Variants in DNAH17 observed in about 807,000 individuals in gnomAD.
DNAH17 encodes the protein dynein axonemal heavy chain 17.
Under a neutral mutation model 485.6 loss-of-function variants are expected in DNAH17, and 376 were observed. That is an observed-to-expected ratio of 0.77 (90% CI 0.71 to 0.84). The LOEUF (loss-of-function observed/expected upper bound fraction) is 0.84. Ranked by LOEUF, DNAH17 falls within the 40% of genes least tolerant of loss-of-function variation. The pLI is 0.00. For synonymous variants in DNAH17, 3,031 were observed against 2,405.9 expected, an observed-to-expected ratio of 1.26 and a Z score of -7.60; for missense variants, 6,370 against 5,839.3, an observed-to-expected ratio of 1.09 and a Z score of -2.96.
chr17:78,475,157 G>A, intron 54 of DNAH17, 121 bp downstream of exon 54: 1 of 1,138,094 alleles, frequency 8.8e-7, no homozygotes, highest in Non-Finnish European at 1.3e-6. Context: ...TTTGGATAAG[G>A]ACTATTGGTG....
In DNAH17 at chr17:78,491,571, C is replaced by CT; in HGVS notation, c.6542-2dup. On this transcript the variant is annotated splice_acceptor_variant, in intron 42 of 80. Transcript: ENST00000389840. LOFTEE classifies it high-confidence loss of function. Reference sequence around the variant, plus strand: ...TCTCGCATGATGGTGGAGAACAGGCCTGGGGGAGGCGCGTGGTATGACCCC... The same window carrying CT: ...TCTCGCATGATGGTGGAGAACAGGCCTTGGGGGAGGCGCGTGGTATGACCCC... 6.2e-7 allele frequency: 1 copy of CT among 1,613,716 alleles called. No individual in the cohort carries two copies. Among genetic ancestry groups the CT allele is most frequent in the Non-Finnish European group, 8.5e-7 (1 of 1,179,816 alleles).
chr17:78,465,812 G>A (rs926294337), intron 56 of DNAH17, among the ~76,000 whole-genome samples: 1 of 149,498 alleles, frequency 6.7e-6, no homozygotes, highest in Non-Finnish European at 1.5e-5. Context: ...GGAGGTGGGG[G>A]GTCAGCCCCC....
chr17:78,431,941 G>A (rs1223704989), intron 75 of DNAH17, among the ~76,000 whole-genome samples: 1 of 152,152 alleles, frequency 6.6e-6, no homozygotes, highest in Non-Finnish European at 1.5e-5. Flanking sequence ...GGAGGCCGAG[G>A]TGGGCGGATG....
intron 25 of DNAH17, among the ~76,000 whole-genome samples, chr17:78,523,908 C>G (rs182939946): frequency 6.6e-6 from 1 of 152,220 alleles, no homozygotes; most frequent in African/African-American, 2.4e-5. Flanking sequence ...GACCTTGTCT[C>G]AAAAATAAAT....
intron 77 of DNAH17, 110 bp downstream of exon 77, chr17:78,428,415 G>C (rs1011829194): frequency 3.7e-6 from 5 of 1,335,726 alleles, no homozygotes; most frequent in Admixed American, 2.0e-5. Flanking sequence ...CTGGGGCAGA[G>C]TGTACCTCAC....
intron 24 of DNAH17, 83 bp downstream of exon 24, chr17:78,526,568 G>A: frequency 8.0e-7 from 1 of 1,244,350 alleles, no homozygotes; most frequent in Non-Finnish European, 1.1e-6. Context: ...CACGTTTCTG[G>A]ACTTGAAAGG....
At chr17:78,534,924 C>T (rs2091334095) in intron 19 of DNAH17, among the ~76,000 whole-genome samples, 1 of 152,166 alleles carries the variant, frequency 6.6e-6, no homozygotes, top group Non-Finnish European at 1.5e-5. Flanking sequence ...TGCCACCAAG[C>T]TAGGGTACTT....
intron 54 of DNAH17, among the ~76,000 whole-genome samples, chr17:78,469,777 G>A (rs377132466): frequency 2.0e-4 from 30 of 152,300 alleles, no homozygotes; most frequent in Middle Eastern, 3.4e-3. Context: ...GCTATAGCAC[G>A]GACAGACCTT....
intron 14 of DNAH17, among the ~76,000 whole-genome samples, chr17:78,554,000 G>T (rs62075920): frequency 0.18 from 27,461 of 151,748 alleles, 3,326 homozygotes; most frequent in Non-Finnish European, 0.26. Context: ...TTGCTATGTT[G>T]CCCAGGCTGG....
At chr17:78,424,341 C>T in intron 80 of DNAH17, 188 bp from the exon 81 acceptor site, 1 of 653,718 alleles carries the variant, frequency 1.5e-6, no homozygotes, top group Non-Finnish European at 2.5e-6. Flanking sequence ...TTGTAACTAC[C>T]CCGTCCCGCT....
chr17:78,556,953 G>T (rs189218609), intron 14 of DNAH17, among the ~76,000 whole-genome samples: 1 of 152,204 alleles, frequency 6.6e-6, no homozygotes, highest in African/African-American at 2.4e-5. Context: ...TCCGGTTCCC[G>T]ACTCGGCTTC....
intron 67 of DNAH17, 95 bp from the exon 68 acceptor site, chr17:78,450,489 A>G: frequency 6.6e-7 from 1 of 1,516,688 alleles, no homozygotes; most frequent in Non-Finnish European, 8.9e-7. Context: ...GCTCCCTGGG[A>G]AGCCACCCAA....
chr17:78,505,196 T>G (rs1598606906), intron 31 of DNAH17, 97 bp downstream of exon 31: 2 of 1,508,926 alleles, frequency 1.3e-6, no homozygotes, highest in Non-Finnish European at 1.8e-6. Context: ...CTGCACAGGG[T>G]GCTGGTTCTC....
intron 37 of DNAH17, 104 bp from the exon 38 acceptor site, chr17:78,496,136 T>A: frequency 7.8e-7 from 1 of 1,286,642 alleles, no homozygotes. Context: ...AATTTGCGCC[T>A]GCAAATTCAA....
intron 54 of DNAH17, among the ~76,000 whole-genome samples, chr17:78,471,964 C>A (rs9909863): frequency 0.035 from 5,332 of 152,244 alleles, 294 homozygotes; most frequent in African/African-American, 0.12. Context: ...AGTTCTCCCC[C>A]ACCCTCCCTC....
At position 78,571,601 on chromosome 17, in the gene DNAH17, T is replaced by A; in HGVS notation, c.721A>T (p.Ile241Phe). The A allele has an allele frequency of 1.2e-6, 2 of 1,613,910 alleles. No individual in the cohort carries two copies. The highest frequency in any genetic ancestry group is 2.2e-5 in the South Asian group (2 of 91,084). Reference protein sequence around the residue: ...WDTRLLNLKCIHEQLNRPKVN... With the variant: ...WDTRLLNLKCFHEQLNRPKVN... The stretch of plus-strand genomic sequence containing the variant: ...AGAGGAGGCCGTACCTGTTCATGGA[T>A]GCACTTGAGGTTCAGCAGCCGAGTG... The change falls in exon 4 of 81, where the codon ATC becomes TTC. Residue 241 changes from isoleucine to phenylalanine, a missense_variant. Transcript: ENST00000389840.
Position 78,507,741 on chromosome 17 carries a change from G to A in DNAH17, c.4301C>T (p.Thr1434Ile), listed in dbSNP as rs1226997702. The change falls in exon 28 of 81, where the codon ACA becomes ATA. Residue 1434 changes from threonine (T) to isoleucine (I), a missense_variant. Coordinates refer to ENST00000389840, the MANE Select transcript of DNAH17 (RefSeq NM_173628.4). The part of the protein sequence containing the change: ...MEFQHEPHPR[T>I]GTMMLKSSEV... ...GCTGGACTTGAGCATCATGGTGCCT[G>A]TCCGCGGGTGCGGCTCGTGCTGGAA... The A allele has an allele frequency of 6.2e-7, 1 of 1,602,568 alleles. No individual in the cohort carries two copies. Among genetic ancestry groups the A allele is most frequent in the East Asian group, 2.2e-5 (1 of 44,808 alleles).
chr17:78,549,550 C>T (rs1021077260), intron 16 of DNAH17, among the ~76,000 whole-genome samples: 3 of 152,208 alleles, frequency 2.0e-5, no homozygotes, highest in South Asian at 4.1e-4. Context: ...ACCCAACTAC[C>T]GGGCTTCAGC....
chr17:78,551,560 A>T lies in DNAH17; in HGVS notation c.2366T>A (p.Ile789Lys). Reference protein sequence around the residue: ...QNRMQKAKQNIEGISQAMKDW... With the variant: ...QNRMQKAKQNKEGISQAMKDW... ...CTTCATAGCCTGGGAAATTCCTTCT[A>T]TATTTTGTTTTGCCTTTTGCATCCT... is the stretch of plus-strand genomic sequence containing the variant. The change falls in exon 16 of 81, where the codon ATA becomes AAA. Residue 789 changes from isoleucine (I) to lysine (K), a missense_variant. Physicochemically the swap from Ile to Lys is moderately radical, Grantham distance 102. Transcript: ENST00000389840. 6.2e-7 allele frequency: 1 copy of T among 1,613,994 alleles called. No individual in the cohort carries two copies. Among genetic ancestry groups the T allele is most frequent in the Non-Finnish European group, 8.5e-7 (1 of 1,179,880 alleles).
Sources: allele counts gnomAD v4.1 joint callset (sites outside exome capture counted in the v4.1 genomes callset), GRCh38; gene constraint gnomAD v4.1.1; transcripts MANE v1.5; gene names NCBI Gene and HGNC (gene_info 2026-07-23, HGNC 2026-07-21).